The following DNAH17 variants were observed in gnomAD, a reference collection of about 807,000 sequenced individuals.
DNAH17 encodes the protein axonemal beta dynein heavy chain 17.
In DNAH17, 376 loss-of-function variants were observed where a neutral mutation model predicts 485.6. The ratio of observed to expected loss-of-function variants is 0.77; its 90% CI spans 0.71 to 0.84. The LOEUF (loss-of-function observed/expected upper bound fraction) is 0.84. DNAH17 is among the 40% of genes least tolerant of loss of function. DNAH17 has a pLI of 0.00. For missense variants in DNAH17, 6,370 were observed against 5,839.3 expected, an observed-to-expected ratio of 1.09 and a Z score of -2.96; for synonymous variants, 3,031 against 2,405.9, an observed-to-expected ratio of 1.26 and a Z score of -7.60.
In DNAH17 at chr17:78,458,674, T is replaced by A. The variant is rs1290786785; in HGVS notation, c.9868A>T (p.Asn3290Tyr). Reference protein sequence around the residue: ...SRIKNKIAELNANLSNLTSAF... With the variant: ...SRIKNKIAELYANLSNLTSAF... ...GAGGTTAGGTTGCTCAGGTTGGCGT[T>A]AAGTTCCTGCAAAACCAAGTTGGAA... The change falls in exon 62 of 81, where the codon AAC (asparagine) becomes TAC (tyrosine). Residue 3290 changes from asparagine to tyrosine, a missense_variant. Asn to Tyr is a moderately radical substitution (Grantham distance 143, BLOSUM62 -2). Transcript: ENST00000389840. 1 of 1,613,844 alleles carries A rather than the reference T, an allele frequency of 6.2e-7. No individual in the cohort carries two copies. The highest frequency in any genetic ancestry group is 1.7e-5 in the Admixed American group (1 of 60,006).
At chr17:78,473,751 G>C (rs2088882128) in intron 54 of DNAH17, among the ~76,000 whole-genome samples, 1 of 152,032 alleles carries the variant, frequency 6.6e-6, no homozygotes, top group African/African-American at 2.4e-5. Context: ...GGGACGCAGA[G>C]CAAGGAAACG....
intron 26 of DNAH17, 108 bp from the exon 27 acceptor site, chr17:78,510,614 C>CAA: frequency 6.8e-7 from 1 of 1,479,006 alleles, no homozygotes; most frequent in Non-Finnish European, 9.3e-7. Flanking sequence ...CGATCCCGGG[C>CAA]TGCTGGAGGG....
chr17:78,459,223 A>C lies in DNAH17; in HGVS notation c.9654-15T>G, dbSNP rs748693605. On this transcript the variant is annotated splice_polypyrimidine_tract_variant and intron_variant, in intron 60 of 80. Transcript: ENST00000389840. ...CTTGGTAGGGCCTAGCGAGGGAACC[A>C]GAGGGCCGGAGTCGTCACCCTGTCC... The C allele has an allele frequency of 1.2e-6, 2 of 1,612,332 alleles. No individual in the cohort carries two copies. The highest frequency in any genetic ancestry group is 1.7e-6 in the Non-Finnish European group (2 of 1,179,034).
chr17:78,473,641 C>T (rs755155407), intron 54 of DNAH17, among the ~76,000 whole-genome samples: 1 of 151,544 alleles, frequency 6.6e-6, no homozygotes, highest in Non-Finnish European at 1.5e-5. Context: ...ATCACAGAGC[C>T]ACAGCAGCTG....
chr17:78,522,304 A>G (rs527674028), intron 25 of DNAH17: 37 of 260,332 alleles, frequency 1.4e-4, no homozygotes, highest in African/African-American at 6.8e-4. Flanking sequence ...GAATGCAGAC[A>G]AGTCCAACCA....
At chr17:78,570,206 A>T (rs375963328) in intron 7 of DNAH17, 41 bp downstream of exon 7, 5 of 1,544,182 alleles carry the variant, frequency 3.2e-6, no homozygotes, top group African/African-American at 2.7e-5. Context: ...GGACCCAGCC[A>T]GGAGGGGAGG....
rs2091678854 is a variant in DNAH17 at position 78,543,965 on chromosome 17, C to G, written c.2424G>C (p.Lys808Asn). 1 of 1,613,906 alleles carries G rather than the reference C, an allele frequency of 6.2e-7. No homozygotes were observed. The highest frequency in any genetic ancestry group is 1.3e-5 in the African/African-American group (1 of 74,942). The stretch of plus-strand genomic sequence containing the variant: ...CTAACAGGGCCTCTTTCTTATTGTC[C>G]TTTCTTTCAAACAGCGGGTTGGCCG... ...DWSANPLFERKDNKKEALLDL... is the reference protein window; with the variant it reads ...DWSANPLFERNDNKKEALLDL... The change falls in exon 17 of 81, where the codon AAG (lysine) becomes AAC (asparagine). Residue 808 changes from lysine (K) to asparagine (N), a missense_variant. Physicochemically the swap from Lys to Asn is moderately conservative, Grantham distance 94. Coordinates refer to ENST00000389840, the MANE Select transcript of DNAH17 (RefSeq NM_173628.4).
At chr17:78,550,126 T>TGGG (rs1042700841) in intron 16 of DNAH17, among the ~76,000 whole-genome samples, 2 of 151,482 alleles carry the variant, frequency 1.3e-5, no homozygotes, top group Non-Finnish European at 2.9e-5. Flanking sequence ...TGGGGAGGCG[T>TGGG]GGGGAGGAGG....
At chr17:78,454,772 T>C in intron 63 of DNAH17, 67 bp from the exon 64 acceptor site, 1 of 1,373,150 alleles carries the variant, frequency 7.3e-7, no homozygotes, top group Middle Eastern at 1.8e-4. Flanking sequence ...AAAATAGCTC[T>C]CCAAATAATG....
intron 69 of DNAH17, among the ~76,000 whole-genome samples, chr17:78,446,815 T>G (rs1238584254): frequency 6.6e-6 from 1 of 152,108 alleles, no homozygotes; most frequent in African/African-American, 2.4e-5. Context: ...GGCTAATTTT[T>G]GCATTTTTTG....
chr17:78,532,903 C>G, intron 19 of DNAH17, 167 bp from the exon 20 acceptor site: 1 of 760,400 alleles, frequency 1.3e-6, no homozygotes. Flanking sequence ...CCTCTTTAGG[C>G]AACCTGGTGG....
At position 78,527,273 on chromosome 17, in the gene DNAH17, G is replaced by T. The variant is rs143767749; in HGVS notation, c.3508-277C>A. 6.7e-3 allele frequency among the ~76,000 whole-genome samples: 1,016 copies of T among 151,758 alleles called. 16 individuals are homozygous for T. Among genetic ancestry groups the T allele is most frequent in the African/African-American group, 0.022 (905 of 41,500 alleles). On this transcript the variant is annotated intron_variant, in intron 22 of 80. Transcript: ENST00000389840. ...GTGATGATATGGGCCTGTAGTCCCA[G>T]CTACTCAGGAGGCTGAGCTGGGATG...
At chr17:78,540,054 G>A (rs1197808304) in intron 17 of DNAH17, among the ~76,000 whole-genome samples, 174 bp from the exon 18 acceptor site, 1 of 152,114 alleles carries the variant, frequency 6.6e-6, no homozygotes, top group Admixed American at 6.6e-5. Context: ...TTGCACGGCT[G>A]CTCCCTCACT....
chr17:78,561,294 C>T (rs1399890505), intron 12 of DNAH17, among the ~76,000 whole-genome samples: 2 of 151,754 alleles, frequency 1.3e-5, no homozygotes, highest in African/African-American at 2.4e-5. Flanking sequence ...CATAAAAGGC[C>T]CCCCTCCTAG....
Position 78,441,189 on chromosome 17 carries a change from C to T in DNAH17, c.11539G>A (p.Glu3847Lys). ...ACGAACTTGCTGCCCATCTTTTCCT[C>T]CACGAAGTTCCTAGGGGTGGAGTGC... is the stretch of plus-strand genomic sequence containing the variant. ...RMTYAIKNFV[E>K]EKMGSKFVEG... is the part of the protein sequence containing the mutation. The change falls in exon 72 of 81, where the codon GAG becomes AAG. Residue 3847 changes from glutamate (E) to lysine (K), a missense_variant. Physicochemically the swap from Glu to Lys is moderately conservative, Grantham distance 56. Transcript: ENST00000389840. 1 of 1,613,844 alleles carries T rather than the reference C, an allele frequency of 6.2e-7. No individual in the cohort carries two copies. The highest frequency in any genetic ancestry group is 8.5e-7 in the Non-Finnish European group (1 of 1,179,858).
intron 27 of DNAH17, among the ~76,000 whole-genome samples, chr17:78,508,634 T>A (rs1460384420): frequency 6.6e-6 from 1 of 151,998 alleles, no homozygotes; most frequent in Non-Finnish European, 1.5e-5. Flanking sequence ...TATGAAAGTG[T>A]GGAAGAGGGG....
At chr17:78,475,599 C>T (rs1332479485) in intron 53 of DNAH17, 70 bp downstream of exon 53, 13 of 1,602,130 alleles carry the variant, frequency 8.1e-6, no homozygotes, top group South Asian at 3.3e-5. Context: ...ACTCGGATGT[C>T]GATAATGCAA....
intron 55 of DNAH17, 42 bp downstream of exon 55, chr17:78,468,575 C>T: frequency 6.3e-7 from 1 of 1,589,594 alleles, no homozygotes; most frequent in Non-Finnish European, 8.6e-7. Context: ...CCACGGGCAC[C>T]AAGCTGGGCT....
chr17:78,449,100 G>A (rs961989512), intron 69 of DNAH17, among the ~76,000 whole-genome samples: 10 of 152,150 alleles, frequency 6.6e-5, no homozygotes, highest in Non-Finnish European at 1.2e-4. Flanking sequence ...AAGCACTAAT[G>A]CAGGACTATT....
Sources: gnomAD v4.1 joint callset for allele counts (sites outside exome capture counted in the v4.1 genomes callset) on GRCh38, gnomAD v4.1.1 for gene constraint, MANE v1.5 for transcripts, NCBI Gene and HGNC (gene_info 2026-07-23, HGNC 2026-07-21) for gene names.